INPP4A: variants seen among roughly 807,000 people sequenced by gnomAD.
INPP4A encodes the protein inositol polyphosphate-4-phosphatase type I A.
Under a neutral mutation model 119.8 loss-of-function variants are expected in INPP4A, and 33 were observed. That is an observed-to-expected ratio of 0.28 (90% confidence interval 0.21 to 0.37). INPP4A has a LOEUF of 0.37. Ranked by LOEUF, INPP4A falls within the 10% of genes least tolerant of loss-of-function variation. The pLI is 1.00. For missense variants in INPP4A, 956 were observed against 1,289.9 expected (o/e 0.74, Z 3.97); for synonymous variants, 496 against 500.7 (o/e 0.99, Z 0.12).
intron 1 of INPP4A, among the ~76,000 whole-genome samples, chr2:98,510,680 C>T (rs1299365527): frequency 5.3e-5 from 8 of 152,176 alleles, no homozygotes; most frequent in Non-Finnish European, 2.9e-5. Context: ...AAAGGCCCCG[C>T]TTCTTAATAC....
At chr2:98,502,762 A>G (rs1216561868) in intron 1 of INPP4A, among the ~76,000 whole-genome samples, 1 of 152,202 alleles carries the variant, frequency 6.6e-6, no homozygotes, top group Non-Finnish European at 1.5e-5. Flanking sequence ...CAGTCTCACT[A>G]CTGCATTGTT....
At chr2:98,537,781 C>T (rs759125559) in intron 7 of INPP4A, 82 bp from the exon 8 acceptor site, 4 of 1,061,602 alleles carry the variant, frequency 3.8e-6, no homozygotes, top group Non-Finnish European at 5.7e-6. Context: ...CCCTGATGAC[C>T]CAGTACGGCT....
chr2:98,461,839 A>T (rs921308754), intron 1 of INPP4A, among the ~76,000 whole-genome samples: 1 of 152,326 alleles, frequency 6.6e-6, no homozygotes, highest in East Asian at 1.9e-4. Flanking sequence ...GTCCAGCTGC[A>T]TGCTGGCCTG....
At chr2:98,523,645 C>T (rs896546825) in intron 4 of INPP4A, among the ~76,000 whole-genome samples, 12 of 152,128 alleles carry the variant, frequency 7.9e-5, no homozygotes, top group Admixed American at 2.6e-4. Context: ...CTGCCCGCCT[C>T]GGCCTCCCAA....
intron 24 of INPP4A, among the ~76,000 whole-genome samples, chr2:98,584,803 G>C (rs1339321936): frequency 6.6e-6 from 1 of 152,224 alleles, no homozygotes; most frequent in African/African-American, 2.4e-5. Context: ...AAGAAACTCA[G>C]TTGCTCTCCC....
chr2:98,552,365 C>T (rs997258304), intron 13 of INPP4A, among the ~76,000 whole-genome samples: 22 of 152,150 alleles, frequency 1.4e-4, no homozygotes, highest in Non-Finnish European at 5.9e-5. Flanking sequence ...CCACTGCAGT[C>T]TCTGCTACAC....
At chr2:98,564,859 C>A in intron 19 of INPP4A, 96 bp downstream of exon 19, 2 of 1,377,796 alleles carry the variant, frequency 1.5e-6, no homozygotes, top group Non-Finnish European at 1.9e-6. Context: ...GTAATGCGTG[C>A]TTATTGAAAT....
At chr2:98,486,672 AT>A (rs1264839213) in intron 1 of INPP4A, among the ~76,000 whole-genome samples, 1 of 152,262 alleles carries the variant, frequency 6.6e-6, no homozygotes, top group Non-Finnish European at 1.5e-5. Flanking sequence ...CAGGAGTAAA[AT>A]TAATTCTTAG....
intron 5 of INPP4A, among the ~76,000 whole-genome samples, chr2:98,534,339 G>C (rs3769714): frequency 0.23 from 35,475 of 152,120 alleles, 4,195 homozygotes; most frequent in South Asian, 0.3. Flanking sequence ...ATGGCTACCC[G>C]TGTGCACAGC....
Position 98,471,296 on chromosome 2 carries a change from G to A in INPP4A, c.-166+26211G>A, listed in dbSNP as rs563371388. ...TACTTCACAGTCATTCCACACAGGAGAAAAGGATGAATGACCCTGTTGGGT... is the reference window on the plus strand; with the variant it reads ...TACTTCACAGTCATTCCACACAGGAAAAAAGGATGAATGACCCTGTTGGGT... On this transcript the variant is annotated intron_variant, in intron 1 of 24. Transcript: ENST00000409851. 2.6e-5 allele frequency among the ~76,000 whole-genome samples: 4 copies of A among 152,338 alleles called. No individual in the cohort carries two copies. In the South Asian group the frequency reaches 8.3e-4, roughly 32 times the overall value.
intron 18 of INPP4A, 33 bp downstream of exon 18, chr2:98,563,670 G>A (rs188903460): frequency 2.8e-5 from 45 of 1,606,404 alleles, no homozygotes; most frequent in East Asian, 1.6e-4. Flanking sequence ...GGGAGACCAC[G>A]GGCACCTCTC....
chr2:98,586,853 CAT>C (rs1700008871), intron 24 of INPP4A, among the ~76,000 whole-genome samples: 1 of 151,810 alleles, frequency 6.6e-6, no homozygotes, highest in African/African-American at 2.4e-5. Context: ...ATCCCTCCCT[CAT>C]AACATTCCAG....
At chr2:98,535,897 T>C (rs1690177265) in intron 6 of INPP4A, 52 bp downstream of exon 6, 1 of 928,128 alleles carries the variant, frequency 1.1e-6, no homozygotes, top group Non-Finnish European at 1.7e-6. Context: ...GAAAAAATTA[T>C]ATAATCGTTT....
At chr2:98,581,786 A>G (rs1366916157) in intron 24 of INPP4A, 1 of 1,595,812 alleles carries the variant, frequency 6.3e-7, no homozygotes, top group African/African-American at 1.3e-5. Context: ...ATAAGTCACA[A>G]GAAAAACAAA....
intron 20 of INPP4A, 110 bp from the exon 21 acceptor site, chr2:98,565,919 T>A: frequency 1.3e-6 from 2 of 1,495,956 alleles, no homozygotes; most frequent in Admixed American, 2.2e-5. Flanking sequence ...CTTAAAGGTC[T>A]GTGGTTGGCA....
intron 1 of INPP4A, among the ~76,000 whole-genome samples, chr2:98,504,989 A>G (rs887346711): frequency 1.3e-5 from 2 of 152,240 alleles, no homozygotes; most frequent in African/African-American, 4.8e-5. Flanking sequence ...TGATTGAGCA[A>G]GCCTGAGACC....
chr2:98,490,630 T>C (rs930175729), intron 1 of INPP4A, among the ~76,000 whole-genome samples: 1 of 152,182 alleles, frequency 6.6e-6, no homozygotes, highest in African/African-American at 2.4e-5. Context: ...CCCTTTATTG[T>C]TCTCGTGGAG....
chr2:98,469,394 G>A lies in INPP4A; in HGVS notation c.-166+24309G>A, dbSNP rs576647794. Among the ~76,000 whole-genome samples, 74 of 152,208 alleles carry A rather than the reference G, an allele frequency of 4.9e-4. 1 individual carries two copies. In the South Asian group the frequency reaches 0.01, roughly 21 times the overall value. ...CATGCGCCTGTAATCCCAGCTTCTC[G>A]GGAGGCTGAGGCAAGGAATGGCTTG... On this transcript the variant is annotated intron_variant, in intron 1 of 24. Transcript: ENST00000409851.
At chr2:98,452,741 T>C (rs1695448430) in intron 1 of INPP4A, among the ~76,000 whole-genome samples, 1 of 152,186 alleles carries the variant, frequency 6.6e-6, no homozygotes, top group African/African-American at 2.4e-5. Flanking sequence ...ACTCTCCCTG[T>C]ACAGCTCGGT....
Sources: gnomAD v4.1 joint callset for allele counts (sites outside exome capture counted in the v4.1 genomes callset) on GRCh38, gnomAD v4.1.1 for gene constraint, MANE v1.5 for transcripts, NCBI Gene and HGNC (gene_info 2026-07-23, HGNC 2026-07-21) for gene names.